The following SLC24A2 variants were observed in gnomAD, a reference collection of about 807,000 sequenced individuals.
SLC24A2 encodes sodium/potassium/calcium exchanger 2.
In SLC24A2, 36 loss-of-function variants were observed where a neutral mutation model predicts 62.0. The ratio of observed to expected loss-of-function variants is 0.58; its 90% CI spans 0.44 to 0.77. The LOEUF (loss-of-function observed/expected upper bound fraction) is 0.77. Ranked by LOEUF, SLC24A2 falls within the 30% of genes least tolerant of loss-of-function variation. The pLI is 0.00. For missense variants in SLC24A2, 846 were observed against 817.9 expected (o/e 1.03, Z -0.42); for synonymous variants, 358 against 294.0 (o/e 1.22, Z -2.23).
chr9:20,107,047 C>T, the SLC24A2 span, among the ~76,000 whole-genome samples: 1 of 152,302 alleles, frequency 6.6e-6, no homozygotes, highest in South Asian at 2.1e-4. Flanking sequence ...GATTCTTATA[C>T]ACCAATAACA....
At chr9:19,563,668 A>G (rs527750971) in intron 7 of SLC24A2, among the ~76,000 whole-genome samples, 1 of 152,134 alleles carries the variant, frequency 6.6e-6, no homozygotes, top group South Asian at 2.1e-4. Context: ...AAAACTTCTG[A>G]TTTTTATAAT....
chr9:19,949,838 T>A, the SLC24A2 span, among the ~76,000 whole-genome samples: 1 of 152,190 alleles, frequency 6.6e-6, no homozygotes, highest in African/African-American at 2.4e-5. Context: ...CCTTGTGGAA[T>A]GACACTATCC....
the SLC24A2 span, among the ~76,000 whole-genome samples, chr9:20,001,073 C>A: frequency 6.6e-6 from 1 of 152,194 alleles, no homozygotes; most frequent in South Asian, 2.1e-4. Flanking sequence ...TAAAAATAAA[C>A]AATCAAATGC....
At chr9:20,143,871 G>A in the SLC24A2 span, among the ~76,000 whole-genome samples, 1 of 152,136 alleles carries the variant, frequency 6.6e-6, no homozygotes, top group Non-Finnish European at 1.5e-5. Context: ...CTAATATTTT[G>A]ATGGTGCGTT....
chr9:20,229,692 C>A, the SLC24A2 span, among the ~76,000 whole-genome samples: 1 of 151,732 alleles, frequency 6.6e-6, no homozygotes. Flanking sequence ...ACAGTATATT[C>A]ATTTATATTT....
At chr9:20,304,111 G>A in the SLC24A2 span, among the ~76,000 whole-genome samples, 1 of 152,172 alleles carries the variant, frequency 6.6e-6, no homozygotes, top group Non-Finnish European at 1.5e-5. Flanking sequence ...TGATTAAAGA[G>A]GCTAGCTTCA....
intron 7 of SLC24A2, among the ~76,000 whole-genome samples, chr9:19,559,390 T>C (rs1479239976): frequency 2.0e-5 from 3 of 152,216 alleles, no homozygotes; most frequent in Admixed American, 2.0e-4. Flanking sequence ...AAAGCCTTTG[T>C]AAATAAGATG....
At chr9:20,036,100 A>T in the SLC24A2 span, among the ~76,000 whole-genome samples, 2 of 152,230 alleles carry the variant, frequency 1.3e-5, no homozygotes, top group Non-Finnish European at 2.9e-5. Context: ...AGAAGTTTTG[A>T]AAAGAAACCG....
chr9:19,709,456 G>A (rs1359722489), intron 2 of SLC24A2, among the ~76,000 whole-genome samples: 9 of 152,034 alleles, frequency 5.9e-5, no homozygotes, highest in South Asian at 4.1e-4. Context: ...ACATGCACAC[G>A]TATGTTTATT....
At chr9:19,776,538 T>C (rs1822851857) in intron 2 of SLC24A2, among the ~76,000 whole-genome samples, 1 of 152,216 alleles carries the variant, frequency 6.6e-6, no homozygotes, top group Non-Finnish European at 1.5e-5. Flanking sequence ...TAGTTTTCCT[T>C]GTCAGAAGCC....
At chr9:19,780,521 C>T (rs1399752368) in intron 2 of SLC24A2, among the ~76,000 whole-genome samples, 1 of 151,738 alleles carries the variant, frequency 6.6e-6, no homozygotes, top group East Asian at 2.0e-4. Flanking sequence ...CTGCCTCGGC[C>T]TCCCAAAGTG....
chr9:19,938,175 T>C, the SLC24A2 span, among the ~76,000 whole-genome samples: 1 of 152,268 alleles, frequency 6.6e-6, no homozygotes, highest in Non-Finnish European at 1.5e-5. Context: ...TTGCAGAAAA[T>C]CTTTTTAAAA....
chr9:19,564,889 T>G (rs6475353), intron 7 of SLC24A2, among the ~76,000 whole-genome samples: 8,380 of 152,166 alleles, frequency 0.055, 761 homozygotes, highest in African/African-American at 0.19. Flanking sequence ...GCAGGCAGTT[T>G]TGCAGTGTAT....
Position 19,527,931 on chromosome 9 carries a change from G to C in SLC24A2, c.1569+118C>G, listed in dbSNP as rs140545433. On this transcript the variant is annotated intron_variant, in intron 9 of 10. Coordinates refer to ENST00000341998, the MANE Select transcript of SLC24A2 (RefSeq NM_020344.4). ...TCCTCTAGTCCTGGAATGCTAACTC[G>C]TCTGTGTCACACCCAATACTGTTGT... is the stretch of plus-strand genomic sequence containing the variant. 2.5e-4 allele frequency: 184 copies of C among 725,314 alleles called. No individual in the cohort carries two copies. The African/African-American group carries it at 2.8e-3, about 11-fold the overall frequency. The allele number at this position is 725,314 out of a possible 1,614,324, so 44.9% of individuals were successfully genotyped here.
At chr9:19,642,986 C>CTTT (rs71335441) in intron 2 of SLC24A2, among the ~76,000 whole-genome samples, 2 of 125,298 alleles carry the variant, frequency 1.6e-5, no homozygotes, top group African/African-American at 6.0e-5. Flanking sequence ...GGCCAGTATT[C>CTTT]TTTTTTTTTT....
At chr9:19,583,540 C>G (rs1836268138) in intron 5 of SLC24A2, among the ~76,000 whole-genome samples, 1 of 151,968 alleles carries the variant, frequency 6.6e-6, no homozygotes, top group African/African-American at 2.4e-5. Context: ...AGATTGGGTG[C>G]AACAAATCCT....
intron 3 of SLC24A2, 127 bp downstream of exon 3, chr9:19,622,134 T>C: frequency 5.2e-6 from 4 of 764,886 alleles, no homozygotes; most frequent in Admixed American, 2.0e-5. Flanking sequence ...ACATCAGGGG[T>C]TAGATTATTT....
At chr9:19,878,634 G>A in the SLC24A2 span, among the ~76,000 whole-genome samples, 1 of 151,968 alleles carries the variant, frequency 6.6e-6, no homozygotes, top group Non-Finnish European at 1.5e-5. Context: ...ACCAGATCTG[G>A]TTGTTAAAAG....
chr9:19,565,810 A>G (rs1314969899), intron 7 of SLC24A2, among the ~76,000 whole-genome samples: 2 of 152,140 alleles, frequency 1.3e-5, no homozygotes, highest in South Asian at 4.1e-4. Flanking sequence ...TAATAATACC[A>G]CACATCTATA....
Sources: gnomAD v4.1 joint callset for allele counts (sites outside exome capture counted in the v4.1 genomes callset) on GRCh38, gnomAD v4.1.1 for gene constraint, MANE v1.5 for transcripts, NCBI Gene and HGNC (gene_info 2026-07-23, HGNC 2026-07-21) for gene names.